RBFOX3: variants seen among roughly 807,000 people sequenced by gnomAD.
RBFOX3 encodes the protein RNA binding protein fox-1 homolog 3.
In RBFOX3, 17 loss-of-function variants were observed where a neutral mutation model predicts 48.7. The observed-to-expected ratio is 0.35, with a 90% CI of 0.24 to 0.52. RBFOX3 has a LOEUF of 0.52. Among genes scored for constraint, RBFOX3 ranks in the 20% least tolerant of loss-of-function variants. The pLI, the probability that RBFOX3 is intolerant of heterozygous loss-of-function variation, is 0.94. For synonymous variants in RBFOX3, 212 were observed against 209.5 expected (o/e 1.01, Z -0.10); for missense variants, 382 against 497.5 (o/e 0.77, Z 2.21).
chr17:79,453,771 A>G (rs1555743082), intron 2 of RBFOX3, among the ~76,000 whole-genome samples: 1 of 151,990 alleles, frequency 6.6e-6, no homozygotes, highest in Non-Finnish European at 1.5e-5. Context: ...TGGGGGAGAG[A>G]TCTTCTCCCA....
rs2086567627 is a variant in RBFOX3 at position 79,362,493 on chromosome 17, G to A, written c.-174-54669C>T. On this transcript the variant is annotated intron_variant, in intron 2 of 14. Transcript: ENST00000693108. This position sits in a 1 kb window ranked among gnomAD's most constrained non-coding sequence, Gnocchi z 4.2. Reference sequence around the variant, plus strand: ...AAGGCCACCTGCGCTGGGCCTGGATGGCACTAGGCTGAGGGGAGCAGGGGG... The same window carrying A: ...AAGGCCACCTGCGCTGGGCCTGGATAGCACTAGGCTGAGGGGAGCAGGGGG... Among the ~76,000 whole-genome samples, 1 of 152,244 alleles carries A rather than the reference G, an allele frequency of 6.6e-6. No homozygotes were observed. The highest frequency in any genetic ancestry group is 6.5e-5 in the Admixed American group (1 of 15,290).
At position 79,372,838 on chromosome 17, in the gene RBFOX3, G is replaced by C. The variant is rs116091443; in HGVS notation, c.-174-65014C>G. ...TCCAACTGGCCGCAGGTGTGCTGGG[G>C]GAAGCTGACAGAAAACATGAGTCTG... On this transcript the variant is annotated intron_variant, in intron 2 of 14. Transcript: ENST00000693108. Among the ~76,000 whole-genome samples, 974 of 152,346 alleles carry C rather than the reference G, an allele frequency of 6.4e-3. 13 individuals are homozygous for C. Among genetic ancestry groups the C allele is most frequent in the African/African-American group, 0.022 (928 of 41,578 alleles).
At chr17:79,428,045 T>C (rs2067706387) in intron 2 of RBFOX3, among the ~76,000 whole-genome samples, 1 of 152,194 alleles carries the variant, frequency 6.6e-6, no homozygotes, top group African/African-American at 2.4e-5. Context: ...TAACTGAATG[T>C]CCAGGTCAAC....
At chr17:79,622,840 T>G in the RBFOX3 span, among the ~76,000 whole-genome samples, 1 of 152,196 alleles carries the variant, frequency 6.6e-6, no homozygotes, top group African/African-American at 2.4e-5. Flanking sequence ...TACCTGTTTC[T>G]TCTACTAATG....
Position 79,108,755 on chromosome 17 carries a change from GCC to G in RBFOX3, c.223-1969_223-1968del, listed in dbSNP as rs528000509. Among the ~76,000 whole-genome samples the G allele has an allele frequency of 1.2e-4, 18 of 152,378 alleles. No homozygotes were observed. In the South Asian group the frequency reaches 3.7e-3, roughly 32 times the overall value. Reference sequence around the variant, plus strand: ...CTGACCAGGCTCCAGGGCAGCAGGTGCCGCTAGGTGACCAGAGGGGAAGTCAC... The same window carrying G: ...CTGACCAGGCTCCAGGGCAGCAGGTGGCTAGGTGACCAGAGGGGAAGTCAC... On this transcript the variant is annotated intron_variant, in intron 5 of 14. Transcript: ENST00000693108.
intron 2 of RBFOX3, among the ~76,000 whole-genome samples, chr17:79,315,569 T>A (rs1383180064): frequency 6.6e-6 from 1 of 152,204 alleles, no homozygotes; most frequent in Non-Finnish European, 1.5e-5. Flanking sequence ...CAGACAGATG[T>A]GCACCCTGGT....
chr17:79,523,022 A>G (rs2086328243), intron 1 of RBFOX3, among the ~76,000 whole-genome samples: 1 of 151,852 alleles, frequency 6.6e-6, no homozygotes, highest in East Asian at 1.9e-4. Context: ...GAGTGAAATC[A>G]ACCAGGCAGA....
intron 4 of RBFOX3, among the ~76,000 whole-genome samples, chr17:79,206,323 T>C (rs984927231): frequency 2.9e-4 from 44 of 152,002 alleles, no homozygotes; most frequent in African/African-American, 1.0e-3. Context: ...CCGTTTTGAG[T>C]AGGTCCCAGA....
intron 2 of RBFOX3, among the ~76,000 whole-genome samples, chr17:79,424,302 G>A (rs1454868733): frequency 6.6e-6 from 1 of 152,194 alleles, no homozygotes; most frequent in African/African-American, 2.4e-5. Flanking sequence ...GCACAGGGGT[G>A]AGCGTCTCTC....
In RBFOX3 at chr17:79,195,951, TATC is replaced by T. The variant is rs1387031211; in HGVS notation, c.-34+39812_-34+39814del. On this transcript the variant is annotated intron_variant, in intron 4 of 14. Coordinates refer to ENST00000693108, the MANE Select transcript of RBFOX3 (RefSeq NM_001350451.2). This position sits in a 1 kb window ranked among gnomAD's most constrained non-coding sequence, Gnocchi z 5.3. ...CAGTGAAACTGGGCATGGCGATAAT[TATC>T]ATCATCAGAACACCCTGGACAAATT... Among the ~76,000 whole-genome samples the T allele has an allele frequency of 6.6e-6, 1 of 152,128 alleles. No individual in the cohort carries two copies. The highest frequency in any genetic ancestry group is 2.4e-5 in the African/African-American group (1 of 41,408).
At chr17:79,451,371 A>T (rs1250261727) in intron 2 of RBFOX3, among the ~76,000 whole-genome samples, 7 of 152,140 alleles carry the variant, frequency 4.6e-5, no homozygotes, top group African/African-American at 9.7e-5. Context: ...AGACGTTGTC[A>T]CCTCCGCCGA....
chr17:79,635,561 C>A, the RBFOX3 span, among the ~76,000 whole-genome samples: 1 of 152,116 alleles, frequency 6.6e-6, no homozygotes, highest in African/African-American at 2.4e-5. Flanking sequence ...TGGTTAAATG[C>A]TGTGTAAAAC....
At chr17:79,602,998 T>C (rs2145394268) in intron 1 of RBFOX3, among the ~76,000 whole-genome samples, 1 of 151,502 alleles carries the variant, frequency 6.6e-6, no homozygotes, top group African/African-American at 2.4e-5. Context: ...CTTTTTTTTT[T>C]TTTTTTTTTT....
At chr17:79,564,156 C>T (rs1341516805) in intron 1 of RBFOX3, among the ~76,000 whole-genome samples, 1 of 152,196 alleles carries the variant, frequency 6.6e-6, no homozygotes, top group African/African-American at 2.4e-5. Context: ...TCTGGCTTTG[C>T]CCTGAGCCAT....
chr17:79,309,116 A>AC (rs942741408), intron 2 of RBFOX3, among the ~76,000 whole-genome samples: 55 of 151,560 alleles, frequency 3.6e-4, no homozygotes, highest in Non-Finnish European at 6.5e-4. Flanking sequence ...CAAAAAAAAA[A>AC]AAAACTAAAT....
rs368156380 is a variant in RBFOX3, at chr17:79,477,331, T to G, written c.-175+5123A>C. On this transcript the variant is annotated intron_variant, in intron 2 of 14. Transcript: ENST00000693108. This position sits in a 1 kb window ranked among gnomAD's most constrained non-coding sequence, Gnocchi z 4.8. Reference sequence around the variant, plus strand: ...CAGCACTTTGGGAGGCCAAGGCAGGTGGATCACGAGGTCAGGAGATCGAGA... The same window carrying G: ...CAGCACTTTGGGAGGCCAAGGCAGGGGGATCACGAGGTCAGGAGATCGAGA... Among the ~76,000 whole-genome samples, 3 of 142,620 alleles carry G rather than the reference T, an allele frequency of 2.1e-5. No homozygotes were observed. Among genetic ancestry groups the G allele is most frequent in the South Asian group, 2.2e-4 (1 of 4,482 alleles). The allele number at this position is 142,620 out of a possible 152,430, so 93.6% of individuals were successfully genotyped here. A position where few individuals can be genotyped will look rare whatever the true frequency, so the allele number is the denominator to read the frequency against.
chr17:79,595,319 G>A (rs982488570), intron 1 of RBFOX3, among the ~76,000 whole-genome samples: 17 of 152,326 alleles, frequency 1.1e-4, no homozygotes, highest in Middle Eastern at 3.4e-3. Context: ...GAGGCCCACC[G>A]TGCCCCAGCG....
chr17:79,592,399 G>A (rs1279793796), intron 1 of RBFOX3, among the ~76,000 whole-genome samples: 8 of 151,808 alleles, frequency 5.3e-5, no homozygotes, highest in Non-Finnish European at 1.2e-4. Flanking sequence ...TGTGTGGAAT[G>A]TGTAGTATGG....
rs527803976 is a variant in RBFOX3, at chr17:79,442,150, C to A, written c.-175+40304G>T. Among the ~76,000 whole-genome samples the A allele has an allele frequency of 3.3e-5, 5 of 150,106 alleles. No individual in the cohort carries two copies. The South Asian group carries it at 8.6e-4, about 26-fold the overall frequency. On this transcript the variant is annotated intron_variant, in intron 2 of 14. Transcript: ENST00000693108. ...GAGCCTGGCCTGGGAGGGAGGGGAACCCCATTCGGCCTCCAACCACAGCTG... is the reference window on the plus strand; with the variant it reads ...GAGCCTGGCCTGGGAGGGAGGGGAAACCCATTCGGCCTCCAACCACAGCTG...
Sources: allele counts gnomAD v4.1 joint callset (sites outside exome capture counted in the v4.1 genomes callset), GRCh38; gene constraint gnomAD v4.1.1; non-coding constraint Gnocchi (gnomAD v3.1); transcripts MANE v1.5; gene names NCBI Gene and HGNC (gene_info 2026-07-23, HGNC 2026-07-21).